Variants in EXOC6B observed in about 807,000 individuals in gnomAD.
EXOC6B encodes exocyst complex component 6B, also known as SEC15 homolog B.
Under a neutral mutation model 113.5 loss-of-function variants are expected in EXOC6B, and 54 were observed. The observed-to-expected ratio is 0.48, with a 90% CI of 0.38 to 0.60. EXOC6B has a LOEUF of 0.60. Ranked by LOEUF, EXOC6B falls within the 20% of genes least tolerant of loss-of-function variation. The pLI is 0.00. For synonymous variants in EXOC6B, 357 were observed against 339.0 expected, an observed-to-expected ratio of 1.05 and a Z score of -0.58; for missense variants, 797 against 977.5, an observed-to-expected ratio of 0.82 and a Z score of 2.46.
intron 20 of EXOC6B, among the ~76,000 whole-genome samples, chr2:72,205,501 C>T (rs1443253746): frequency 6.6e-6 from 1 of 152,170 alleles, no homozygotes; most frequent in Non-Finnish European, 1.5e-5. Flanking sequence ...CCAGGGAATG[C>T]TCTATTTAAT....
chr2:72,583,092 G>A (rs1705332812), intron 6 of EXOC6B, among the ~76,000 whole-genome samples: 1 of 151,968 alleles, frequency 6.6e-6, no homozygotes, highest in South Asian at 2.1e-4. Flanking sequence ...TGGACAAAGT[G>A]GAAGAAAGAA....
At chr2:72,761,588 T>C (rs984596216) in intron 1 of EXOC6B, among the ~76,000 whole-genome samples, 5 of 152,238 alleles carry the variant, frequency 3.3e-5, no homozygotes, top group Middle Eastern at 3.4e-3. Flanking sequence ...AATTTGACTA[T>C]TAAATAATAA....
At chr2:72,471,830 C>T (rs1698430765) in intron 17 of EXOC6B, among the ~76,000 whole-genome samples, 1 of 152,170 alleles carries the variant, frequency 6.6e-6, no homozygotes, top group Non-Finnish European at 1.5e-5. Flanking sequence ...TCAACCTTTT[C>T]CCATTCAGGA....
At chr2:72,700,128 ATTG>A (rs1356094440) in intron 6 of EXOC6B, among the ~76,000 whole-genome samples, 1 of 152,016 alleles carries the variant, frequency 6.6e-6, no homozygotes. Flanking sequence ...TTATTGTTAT[ATTG>A]TTGTTTTTTA....
chr2:72,578,216 C>T (rs1300308038), intron 6 of EXOC6B, among the ~76,000 whole-genome samples: 1 of 152,074 alleles, frequency 6.6e-6, no homozygotes, highest in African/African-American at 2.4e-5. Context: ...CTAATACAGC[C>T]AGGCTCTTCT....
intron 6 of EXOC6B, among the ~76,000 whole-genome samples, chr2:72,645,340 G>A (rs926105018): frequency 9.2e-5 from 14 of 152,068 alleles, no homozygotes; most frequent in African/African-American, 3.4e-4. Context: ...CAATAATAAT[G>A]GGAGACTTTA....
chr2:72,466,351 AAAAAAAAAAG>A (rs1025732765), intron 17 of EXOC6B, among the ~76,000 whole-genome samples: 12 of 151,486 alleles, frequency 7.9e-5, no homozygotes, highest in Non-Finnish European at 1.5e-4. Flanking sequence ...CCTCAAAAAA[AAAAAAAAAAG>A]AAAAGAAAAG....
chr2:72,526,046 T>C (rs1701732722), intron 8 of EXOC6B, among the ~76,000 whole-genome samples: 2 of 152,150 alleles, frequency 1.3e-5, no homozygotes, highest in Admixed American at 1.3e-4. Context: ...TTTTAAGTCT[T>C]TTCTGACCTA....
chr2:72,786,853 A>G lies in EXOC6B; in HGVS notation c.113+38945T>C, dbSNP rs541616302. Reference sequence around the variant, plus strand: ...GAAAAAATTATAAAAAATGAAACAGAGACGCTAGTAAGGAGGGTGTTGTCC... The same window carrying G: ...GAAAAAATTATAAAAAATGAAACAGGGACGCTAGTAAGGAGGGTGTTGTCC... On this transcript the variant is annotated intron_variant, in intron 1 of 21. Coordinates refer to ENST00000272427, the MANE Select transcript of EXOC6B (RefSeq NM_015189.3). Among the ~76,000 whole-genome samples the G allele has an allele frequency of 1.4e-4, 22 of 152,292 alleles. No individual in the cohort carries two copies. In the South Asian group the frequency reaches 3.9e-3, roughly 27 times the overall value.
At chr2:72,381,658 G>A (rs1691682258) in intron 18 of EXOC6B, among the ~76,000 whole-genome samples, 1 of 152,150 alleles carries the variant, frequency 6.6e-6, no homozygotes, top group Admixed American at 6.6e-5. Context: ...TCAAGACTGT[G>A]ATCCATAATG....
chr2:72,252,586 G>A (rs906328090), intron 20 of EXOC6B, among the ~76,000 whole-genome samples: 4 of 152,188 alleles, frequency 2.6e-5, no homozygotes, highest in African/African-American at 9.6e-5. Context: ...GATACTGAAT[G>A]AGTCACTTCA....
At chr2:72,574,201 A>G (rs6747378) in intron 7 of EXOC6B, among the ~76,000 whole-genome samples, 131,639 of 151,772 alleles carry the variant, frequency 0.87, 57,360 homozygotes, top group East Asian at 0.99. Context: ...ACATAAAAAT[A>G]ACATCTTTAT....
In EXOC6B at chr2:72,604,612, T is replaced by G. The variant is rs10198945; in HGVS notation, c.670-28944A>C. 1.5e-3 allele frequency among the ~76,000 whole-genome samples: 223 copies of G among 152,324 alleles called. 1 individual carries two copies. The highest frequency in any genetic ancestry group is 5.3e-3 in the African/African-American group (222 of 41,578). ...CCCAGAGAGTGATAGAAACAAGATT[T>G]GAAGGCAAACCAATGAGACTGGGTG... On this transcript the variant is annotated intron_variant, in intron 6 of 21. Coordinates refer to ENST00000272427, the MANE Select transcript of EXOC6B (RefSeq NM_015189.3).
At chr2:72,823,496 G>A (rs1436780467) in intron 1 of EXOC6B, among the ~76,000 whole-genome samples, 2,025 of 60,324 alleles carry the variant, frequency 0.034, 15 homozygotes, top group African/African-American at 0.059. Flanking sequence ...CAAAAAAAAA[G>A]ACAGTGGCCA....
chr2:72,705,381 G>GA (rs1020532716), intron 6 of EXOC6B, among the ~76,000 whole-genome samples: 6 of 152,064 alleles, frequency 3.9e-5, no homozygotes, highest in African/African-American at 9.7e-5. Context: ...TACTGAATGG[G>GA]AAAAAACTGG....
intron 6 of EXOC6B, among the ~76,000 whole-genome samples, chr2:72,597,036 A>T (rs1387459611): frequency 2.0e-5 from 3 of 150,088 alleles, no homozygotes; most frequent in Admixed American, 6.6e-5. Flanking sequence ...CATTTCCATT[A>T]TCCCAAAAAG....
At chr2:72,361,266 G>A (rs1368838776) in intron 19 of EXOC6B, among the ~76,000 whole-genome samples, 1 of 152,160 alleles carries the variant, frequency 6.6e-6, no homozygotes, top group African/African-American at 2.4e-5. Context: ...AATTACTCTA[G>A]GACATCTCAC....
At chr2:72,379,220 A>G (rs921243161) in intron 19 of EXOC6B, among the ~76,000 whole-genome samples, 7 of 152,198 alleles carry the variant, frequency 4.6e-5, no homozygotes, top group Non-Finnish European at 7.3e-5. Flanking sequence ...CCAATACAGC[A>G]ACTGACTGCC....
chr2:72,619,950 T>A (rs76802642), intron 6 of EXOC6B, among the ~76,000 whole-genome samples: 2,330 of 152,328 alleles, frequency 0.015, 77 homozygotes, highest in African/African-American at 0.054. Flanking sequence ...GGACTTCCCA[T>A]ATCCCTCTGG....
Sources: allele counts gnomAD v4.1 joint callset (sites outside exome capture counted in the v4.1 genomes callset), GRCh38; gene constraint gnomAD v4.1.1; transcripts MANE v1.5; gene names NCBI Gene and HGNC (gene_info 2026-07-23, HGNC 2026-07-21).